The following FBXL19 variants were observed in gnomAD, a reference collection of about 807,000 sequenced individuals.
FBXL19 encodes F-box/LRR-repeat protein 19.
A neutral mutation model predicts 71.2 loss-of-function variants in FBXL19; 16 were observed. The ratio of observed to expected loss-of-function variants is 0.22; its 90% confidence interval spans 0.15 to 0.34. FBXL19 has a LOEUF of 0.34. Among genes scored for constraint, FBXL19 ranks in the 10% least tolerant of loss-of-function variants. The probability of loss-of-function intolerance (pLI) is 1.00; values close to 1 mark genes in which losing one functional copy is unlikely to be tolerated. For missense variants in FBXL19, 658 were observed against 968.2 expected (o/e 0.68, Z 4.25); for synonymous variants, 447 against 409.4 (o/e 1.09, Z -1.11).
At chr16:30,931,802 T>C (rs1233221135) in intron 7 of FBXL19, among the ~76,000 whole-genome samples, 1 of 152,016 alleles carries the variant, frequency 6.6e-6, no homozygotes, top group Non-Finnish European at 1.5e-5. Context: ...TCTTGGCTGA[T>C]TGCAACCTCT....
chr16:30,928,460 C>A lies in FBXL19; in HGVS notation c.628-7C>A. The A allele has an allele frequency of 6.4e-7, 1 of 1,566,818 alleles. No individual in the cohort carries two copies. ...CCTTCCTCCATATCTCCCTCTCACC[C>A]TGGTAGGTGAAAGGAGGCCGAGAGA... is the stretch of plus-strand genomic sequence containing the variant. On this transcript the variant is annotated splice_region_variant and splice_polypyrimidine_tract_variant and intron_variant, in intron 5 of 10. Transcript: ENST00000338343.
At chr16:30,928,419 C>G in intron 5 of FBXL19, 48 bp from the exon 6 acceptor site, 1 of 1,487,932 alleles carries the variant, frequency 6.7e-7, no homozygotes, top group Non-Finnish European at 8.9e-7. Flanking sequence ...CCCATGAGGG[C>G]CTAATGGGGT....
chr16:30,922,999 A>C (rs908786491), upstream of FBXL19: 6 of 456,016 alleles, frequency 1.3e-5, no homozygotes, highest in African/African-American at 1.2e-4. Context: ...AAAACTACTA[A>C]TCCCATCGCA....
chr16:30,935,727 T>TC (rs1445600909), intron 7 of FBXL19, among the ~76,000 whole-genome samples: 2 of 152,008 alleles, frequency 1.3e-5, no homozygotes, highest in Non-Finnish European at 2.9e-5. Flanking sequence ...AGCTCCCTGT[T>TC]CCCGGGGGCT....
chr16:30,945,003 G>A (rs2055843231), intron 9 of FBXL19, among the ~76,000 whole-genome samples: 1 of 152,194 alleles, frequency 6.6e-6, no homozygotes, highest in Non-Finnish European at 1.5e-5. Flanking sequence ...GGAGTGCCTA[G>A]TGAGGCCACA....
In FBXL19 at chr16:30,932,092, C is replaced by T. The variant is rs995002956; in HGVS notation, c.1301+1508C>T. ...GCCAGTCACTTAACTTCCTGTGCCT[C>T]GGTTTCTTCATCTGAAAAACCAGAT... On this transcript the variant is annotated intron_variant, in intron 7 of 10. Coordinates refer to ENST00000338343, the MANE Select transcript of FBXL19 (RefSeq NM_001382779.1). 3.9e-5 allele frequency among the ~76,000 whole-genome samples: 6 copies of T among 152,196 alleles called. No individual in the cohort carries two copies. The East Asian group carries it at 5.8e-4, about 15-fold the overall frequency.
In FBXL19 at chr16:30,927,773, G is replaced by A; in HGVS notation, c.437G>A (p.Arg146Lys). Residue 146 changes from arginine (R) to lysine (K), a missense_variant, in exon 5 of 11, where the codon AGG (arginine) becomes AAG (lysine). Coordinates refer to ENST00000338343, the MANE Select transcript of FBXL19 (RefSeq NM_001382779.1). ...TCAGGTGAGGGGCCTGGCCGCCGTA[G>A]GGCCGACAACGGCGAGGAGGGCGCC... ...KDSGEGPGRR[R>K]ADNGEEGASL... 1 of 1,557,510 alleles carries A rather than the reference G, an allele frequency of 6.4e-7. No homozygotes were observed. Among genetic ancestry groups the A allele is most frequent in the Non-Finnish European group, 8.7e-7 (1 of 1,151,288 alleles).
intron 6 of FBXL19, among the ~76,000 whole-genome samples, chr16:30,929,602 G>A (rs1201663972): frequency 2.0e-5 from 3 of 152,094 alleles, no homozygotes; most frequent in East Asian, 1.9e-4. Context: ...TCTGTCGCCC[G>A]TACTGGAGTG....
chr16:30,928,392 G>A (rs2055628548), intron 5 of FBXL19, 75 bp from the exon 6 acceptor site: 2 of 1,406,430 alleles, frequency 1.4e-6, no homozygotes, highest in South Asian at 1.5e-5. Flanking sequence ...AGGAGGGCAT[G>A]GACCTTAGAT....
At position 30,925,782 on chromosome 16, in the gene FBXL19, G is replaced by C. The variant is rs570625310; in HGVS notation, c.28G>C (p.Ala10Pro). The C allele has an allele frequency of 2.0e-6, 3 of 1,487,848 alleles. No individual in the cohort carries two copies. The highest frequency in any genetic ancestry group is 2.7e-6 in the Non-Finnish European group (3 of 1,123,190). The allele number at this position is 1,487,848 out of a possible 1,614,324, so 92.2% of individuals were successfully genotyped here. MSSSSRGPGAGARRRRTRCR... is the reference protein window; with the variant it reads MSSSSRGPGPGARRRRTRCR... ...GTCGTCGAGCAGCCGGGGGCCGGGGGCCGGAGCGCGCCGACGCCGAACCCG... is the reference window on the plus strand; with the variant it reads ...GTCGTCGAGCAGCCGGGGGCCGGGGCCCGGAGCGCGCCGACGCCGAACCCG... The change falls in exon 2 of 11, where the codon GCC becomes CCC. Residue 10 changes from alanine (A) to proline (P), a missense_variant. Physicochemically the swap from Ala to Pro is conservative, Grantham distance 27. Coordinates refer to ENST00000338343, the MANE Select transcript of FBXL19 (RefSeq NM_001382779.1). The surrounding 1 kb of genome is among the most constrained non-coding windows in gnomAD (Gnocchi z 5.0).
intron 5 of FBXL19, 148 bp downstream of exon 5, chr16:30,928,111 G>C (rs1387924216): frequency 6.5e-6 from 4 of 618,312 alleles, no homozygotes; most frequent in Non-Finnish European, 1.1e-5. Context: ...GAGTTGGGTG[G>C]GGGGAGGATA....
At chr16:30,939,843 C>A (rs550531009) in intron 7 of FBXL19, among the ~76,000 whole-genome samples, 3 of 152,198 alleles carry the variant, frequency 2.0e-5, no homozygotes, top group Non-Finnish European at 4.4e-5. Context: ...CAAGGAAAAG[C>A]CTTTCAGAGT....
chr16:30,942,110 C>G lies in FBXL19; in HGVS notation c.1302-6C>G. 6.4e-7 allele frequency: 1 copy of G among 1,565,970 alleles called. No individual in the cohort carries two copies. Among genetic ancestry groups the G allele is most frequent in the Non-Finnish European group, 8.7e-7 (1 of 1,150,830 alleles). On this transcript the variant is annotated splice_polypyrimidine_tract_variant and splice_region_variant and intron_variant, in intron 7 of 10. Transcript: ENST00000338343. The surrounding 1 kb of genome is among the most constrained non-coding windows in gnomAD (Gnocchi z 5.7). ...GAGGTCTCTGTCTCCCCCCTATGGC[C>G]GCCAGGTGCTATGACAAGCGTCTGT...
chr16:30,923,664 G>T lies in FBXL19; in HGVS notation c.-820G>T, dbSNP rs1003507310. 1.3e-5 allele frequency among the ~76,000 whole-genome samples: 2 copies of T among 151,634 alleles called. No homozygotes were observed. The highest frequency in any genetic ancestry group is 2.4e-5 in the African/African-American group (1 of 41,280). ...AGCGCGGGGCTGGGGGACCAGGGGGGCTGAGACACCCCAACTGCCCCCTTC... is the reference window on the plus strand; with the variant it reads ...AGCGCGGGGCTGGGGGACCAGGGGGTCTGAGACACCCCAACTGCCCCCTTC... On this transcript the variant is annotated 5_prime_UTR_variant, in exon 1 of 11. Coordinates refer to ENST00000338343, the MANE Select transcript of FBXL19 (RefSeq NM_001382779.1).
chr16:30,945,020 G>A (rs1033795710), intron 9 of FBXL19, among the ~76,000 whole-genome samples: 1 of 152,144 alleles, frequency 6.6e-6, no homozygotes, highest in Non-Finnish European at 1.5e-5. Flanking sequence ...CACATCTTAC[G>A]ATTCTTCAAG....
At position 30,947,343 on chromosome 16, in the gene FBXL19, C is replaced by T. The variant is rs902201290; in HGVS notation, c.*113C>T. 1 of 935,942 alleles carries T rather than the reference C, an allele frequency of 1.1e-6. No individual in the cohort carries two copies. The highest frequency in any genetic ancestry group is 1.7e-5 in the South Asian group (1 of 57,472). The allele number at this position is 935,942 out of a possible 1,614,324, so 58.0% of individuals were successfully genotyped here. A position where few individuals can be genotyped will look rare whatever the true frequency, so the allele number is the denominator to read the frequency against. On this transcript the variant is annotated 3_prime_UTR_variant, in exon 11 of 11. Coordinates refer to ENST00000338343, the MANE Select transcript of FBXL19 (RefSeq NM_001382779.1). Reference sequence around the variant, plus strand: ...TCACCACCCTGGGATTCCTGAGTGTCAGTGACTTGGGATTCCCACCCAGGG... The same window carrying T: ...TCACCACCCTGGGATTCCTGAGTGTTAGTGACTTGGGATTCCCACCCAGGG...
intron 7 of FBXL19, among the ~76,000 whole-genome samples, chr16:30,931,177 A>C (rs2055669456): frequency 1.3e-5 from 2 of 151,934 alleles, no homozygotes; most frequent in Admixed American, 1.3e-4. Flanking sequence ...CTCTATTAGA[A>C]ATGTCGGTCA....
rs141761442 is a variant in FBXL19 at position 30,940,890 on chromosome 16, C to T, written c.1302-1226C>T. 3.3e-3 allele frequency among the ~76,000 whole-genome samples: 495 copies of T among 152,090 alleles called. 2 individuals carry two copies. Among genetic ancestry groups the T allele is most frequent in the African/African-American group, 0.01 (428 of 41,496 alleles). On this transcript the variant is annotated intron_variant, in intron 7 of 10. Coordinates refer to ENST00000338343, the MANE Select transcript of FBXL19 (RefSeq NM_001382779.1). ...ACTAGTAGAACAGCCAGGCTGTTCT[C>T]GAATTCCTGACCTCATGATCCACCC... is the stretch of plus-strand genomic sequence containing the variant.
Position 30,925,838 on chromosome 16 carries a change from T to C in FBXL19, c.84T>C (p.Thr28=). 1 of 1,516,560 alleles carries C rather than the reference T, an allele frequency of 6.6e-7. No individual in the cohort carries two copies. Among genetic ancestry groups the C allele is most frequent in the South Asian group, 1.3e-5 (1 of 77,836 alleles). 93.9% of individuals were successfully genotyped at this position (1,516,560 alleles called of 1,614,324 possible). The change falls in exon 2 of 11, where the codon ACT becomes ACC. Residue 28 remains threonine (T), a synonymous_variant. Transcript: ENST00000338343. This position sits in a 1 kb window ranked among gnomAD's most constrained non-coding sequence, Gnocchi z 5.0. ...GCCGCTGCCGGGCCTGTGTGCGAAC[T>C]GAGTGCGGGGATTGCCACTTCTGCC... is the stretch of plus-strand genomic sequence containing the variant. ...RCRRCRACVR[T]ECGDCHFCRD...
Sources: gnomAD v4.1 joint callset for allele counts (sites outside exome capture counted in the v4.1 genomes callset) on GRCh38, gnomAD v4.1.1 for gene constraint, Gnocchi (gnomAD v3.1) non-coding constraint, MANE v1.5 for transcripts, NCBI Gene and HGNC (gene_info 2026-07-23, HGNC 2026-07-21) for gene names.